The following CFAP77 variants were observed in gnomAD, a reference collection of about 807,000 sequenced individuals.
CFAP77 encodes cilia- and flagella-associated protein 77.
CFAP77 carries 25 observed loss-of-function variants against 31.1 expected under a neutral mutation model. The ratio of observed to expected loss-of-function variants is 0.80; its 90% CI spans 0.59 to 1.12. The LOEUF is 1.12. Among genes scored for constraint, CFAP77 ranks in the 50% most tolerant of loss-of-function variants. CFAP77 has a pLI of 0.00. For missense variants in CFAP77, 377 were observed against 397.3 expected (o/e 0.95, Z 0.44); for synonymous variants, 151 against 159.9 (o/e 0.94, Z 0.42).
chr9:132,523,023 C>G (rs944397249), intron 3 of CFAP77, among the ~76,000 whole-genome samples: 2 of 152,116 alleles, frequency 1.3e-5, no homozygotes, highest in Admixed American at 6.6e-5. Context: ...CTTACCCCAT[C>G]CCTAGTTCTG....
intron 3 of CFAP77, among the ~76,000 whole-genome samples, chr9:132,524,121 G>A (rs1852315661): frequency 6.6e-6 from 1 of 151,932 alleles, no homozygotes; most frequent in African/African-American, 2.4e-5. Context: ...GCAGGCATGA[G>A]CCACTGCGCC....
chr9:132,513,631 C>G (rs1852081827), intron 3 of CFAP77, among the ~76,000 whole-genome samples: 1 of 152,190 alleles, frequency 6.6e-6, no homozygotes, highest in Non-Finnish European at 1.5e-5. Flanking sequence ...ATCACCCTGT[C>G]CCACTGTCTG....
Position 132,542,245 on chromosome 9 carries a change from C to T in CFAP77, c.631-701C>T, listed in dbSNP as rs138978699. Among the ~76,000 whole-genome samples, 945 of 152,364 alleles carry T rather than the reference C, an allele frequency of 6.2e-3. 11 individuals carry two copies. Among genetic ancestry groups the T allele is most frequent in the African/African-American group, 0.022 (915 of 41,584 alleles). On this transcript the variant is annotated intron_variant, in intron 4 of 5. Coordinates refer to ENST00000393216, the MANE Select transcript of CFAP77 (RefSeq NM_001282957.2). ...CGACTCCCAAACCAGGGCCTCCAGC[C>T]CATCCCCAGCCGCCTACGCCCCATC...
In CFAP77 at chr9:132,470,551, G is replaced by A. The variant is rs565535613; in HGVS notation, c.196-28144G>A. 2.0e-5 allele frequency among the ~76,000 whole-genome samples: 3 copies of A among 152,338 alleles called. No homozygotes were observed. The South Asian group carries it at 6.2e-4, about 32-fold the overall frequency. ...GGTGCCCCCTGGGCAGTAGGGTCCT[G>A]AAATCTGGATGGTTATTCTTTTTTT... On this transcript the variant is annotated intron_variant, in intron 1 of 5. Coordinates refer to ENST00000393216, the MANE Select transcript of CFAP77 (RefSeq NM_001282957.2).
At position 132,472,835 on chromosome 9, in the gene CFAP77, T is replaced by C. The variant is rs1295052134; in HGVS notation, c.196-25860T>C. 2.6e-5 allele frequency among the ~76,000 whole-genome samples: 4 copies of C among 152,210 alleles called. No individual in the cohort carries two copies. In the East Asian group the frequency reaches 7.7e-4, roughly 29 times the overall value. Reference sequence around the variant, plus strand: ...TCAGTGTTTGCTGTGTGCCCGGCTCTGGGAAAGCATTTGTATTGAACCGTA... The same window carrying C: ...TCAGTGTTTGCTGTGTGCCCGGCTCCGGGAAAGCATTTGTATTGAACCGTA... On this transcript the variant is annotated intron_variant, in intron 1 of 5. Coordinates refer to ENST00000393216, the MANE Select transcript of CFAP77 (RefSeq NM_001282957.2).
At chr9:132,465,073 C>CAAAAAAAAAAAAAAAAAAAAGA (rs1851128658) in intron 1 of CFAP77, among the ~76,000 whole-genome samples, 1 of 82,856 alleles carries the variant, frequency 1.2e-5, no homozygotes, top group African/African-American at 4.1e-5. Flanking sequence ...GACTCTGTCT[C>CAAAAAAAAAAAAAAAAAAAAGA]AAAAAAAAAA....
intron 1 of CFAP77, among the ~76,000 whole-genome samples, chr9:132,451,560 C>T (rs72765875): frequency 0.081 from 11,960 of 147,838 alleles, 441 homozygotes; most frequent in Middle Eastern, 0.11. Context: ...GAGTGTACCT[C>T]GTCAGCCACC....
At chr9:132,411,973 A>C (rs147639790) in intron 1 of CFAP77, among the ~76,000 whole-genome samples, 2 of 152,346 alleles carry the variant, frequency 1.3e-5, no homozygotes, top group African/African-American at 4.8e-5. Flanking sequence ...TATGTATAAT[A>C]TACATGTACA....
chr9:132,429,110 TA>T (rs2131688390), intron 1 of CFAP77, among the ~76,000 whole-genome samples: 1 of 150,418 alleles, frequency 6.6e-6, no homozygotes, highest in African/African-American at 2.5e-5. Context: ...TGCCATTTCC[TA>T]AATATTTGCC....
chr9:132,458,357 G>GGGTGT (rs139008147), intron 1 of CFAP77, among the ~76,000 whole-genome samples: 14 of 119,030 alleles, frequency 1.2e-4, no homozygotes, highest in African/African-American at 2.6e-4. Context: ...GAGGGGGGGG[G>GGGTGT]GTGTGTATGG....
chr9:132,556,525 G>C (rs1465931181), intron 5 of CFAP77, among the ~76,000 whole-genome samples: 1 of 151,990 alleles, frequency 6.6e-6, no homozygotes, highest in Non-Finnish European at 1.5e-5. Flanking sequence ...TCCTTTCTCA[G>C]GCAGTTTTTG....
intron 4 of CFAP77, among the ~76,000 whole-genome samples, chr9:132,538,469 C>T (rs1004524783): frequency 6.6e-6 from 1 of 152,202 alleles, no homozygotes; most frequent in Non-Finnish European, 1.5e-5. Flanking sequence ...TTTAATTCTT[C>T]GTTTGTGTTG....
chr9:132,482,451 T>A, intron 1 of CFAP77: 1 of 1,575,446 alleles, frequency 6.3e-7, no homozygotes, highest in South Asian at 1.1e-5. Context: ...AATGTCACCC[T>A]GGAGAAAAAG....
intron 5 of CFAP77, among the ~76,000 whole-genome samples, chr9:132,557,314 T>C (rs751481766): frequency 7.9e-5 from 12 of 152,174 alleles, no homozygotes; most frequent in Non-Finnish European, 1.6e-4. Context: ...TCCAAGGTGA[T>C]GGATGCTTCC....
rs1328878570 is a variant in CFAP77 at position 132,481,682 on chromosome 9, G to C, written c.196-17013G>C. On this transcript the variant is annotated intron_variant, in intron 1 of 5. Transcript: ENST00000393216. The surrounding 1 kb of genome is among the most constrained non-coding windows in gnomAD (Gnocchi z 5.0). ...CCCTGTCCTCCAGCCTCCCAGCTTT[G>C]TGCTGAAATGAAGAGCCGCCGCTTC... Among the ~76,000 whole-genome samples, 1 of 152,126 alleles carries C rather than the reference G, an allele frequency of 6.6e-6. No individual in the cohort carries two copies. The highest frequency in any genetic ancestry group is 1.5e-5 in the Non-Finnish European group (1 of 68,010).
At chr9:132,537,528 G>A (rs955750835) in intron 3 of CFAP77, 73 bp from the exon 4 acceptor site, 19 of 1,095,644 alleles carry the variant, frequency 1.7e-5, no homozygotes, top group Non-Finnish European at 2.4e-5. Flanking sequence ...AGGCTCCCGG[G>A]GGCGGGCGGT....
rs142903398 is a variant in CFAP77, at chr9:132,518,423, C to T, written c.524+18823C>T. Among the ~76,000 whole-genome samples the T allele has an allele frequency of 3.9e-3, 590 of 152,280 alleles. 6 individuals are homozygous for T. Among genetic ancestry groups the T allele is most frequent in the African/African-American group, 0.014 (562 of 41,560 alleles). ...AAAAAGCCTCAGGGCCAGGGGAACC[C>T]GGATTCGGATCCTGGCTCTCCTGTC... is the stretch of plus-strand genomic sequence containing the variant. On this transcript the variant is annotated intron_variant, in intron 3 of 5. Coordinates refer to ENST00000393216, the MANE Select transcript of CFAP77 (RefSeq NM_001282957.2).
At chr9:132,560,350 A>G (rs1852974278) in intron 5 of CFAP77, among the ~76,000 whole-genome samples, 1 of 152,090 alleles carries the variant, frequency 6.6e-6, no homozygotes, top group Non-Finnish European at 1.5e-5. Context: ...CCTGCAGCCT[A>G]TTGAGCTTAC....
At position 132,498,908 on chromosome 9, in the gene CFAP77, G is replaced by C; in HGVS notation, c.295+114G>C. 1 of 748,320 alleles carries C rather than the reference G, an allele frequency of 1.3e-6. No homozygotes were observed. Among genetic ancestry groups the C allele is most frequent in the South Asian group, 1.8e-5 (1 of 55,062 alleles). The allele number at this position is 748,320 out of a possible 1,614,324, so 46.4% of individuals were successfully genotyped here. On this transcript the variant is annotated intron_variant, in intron 2 of 5. Transcript: ENST00000393216. This position sits in a 1 kb window ranked among gnomAD's most constrained non-coding sequence, Gnocchi z 4.2. Reference sequence around the variant, plus strand: ...GGCAGCTGGTTGGGTGCTGGAGAAAGACCCAGGGACCGCCAGCCTGGGCAG... The same window carrying C: ...GGCAGCTGGTTGGGTGCTGGAGAAACACCCAGGGACCGCCAGCCTGGGCAG...
Sources: gnomAD v4.1 joint callset for allele counts (sites outside exome capture counted in the v4.1 genomes callset) on GRCh38, gnomAD v4.1.1 for gene constraint, Gnocchi (gnomAD v3.1) non-coding constraint, MANE v1.5 for transcripts, NCBI Gene and HGNC (gene_info 2026-07-23, HGNC 2026-07-21) for gene names.